The following HIBADH variants were observed in gnomAD, a reference collection of about 807,000 sequenced individuals.
The protein encoded by HIBADH is 3-hydroxyisobutyrate dehydrogenase, also known as 3-hydroxyisobutyrate dehydrogenase, mitochondrial.
In HIBADH, 25 loss-of-function variants were observed where a neutral mutation model predicts 36.1. The observed-to-expected ratio is 0.69, with a 90% CI of 0.50 to 0.97. The LOEUF is 0.97. HIBADH is among the 50% of genes least tolerant of loss of function. HIBADH has a pLI of 0.00. For synonymous variants in HIBADH, 160 were observed against 149.5 expected, an observed-to-expected ratio of 1.07 and a Z score of -0.51; for missense variants, 421 against 418.0, an observed-to-expected ratio of 1.01 and a Z score of -0.06.
rs1225371551 is a variant in HIBADH at position 27,584,221 on chromosome 7, A to G, written c.485-41121T>C. 5.9e-5 allele frequency among the ~76,000 whole-genome samples: 9 copies of G among 152,190 alleles called. No homozygotes were observed. The East Asian group carries it at 1.7e-3, about 29-fold the overall frequency. On this transcript the variant is annotated intron_variant, in intron 4 of 7. Coordinates refer to ENST00000265395, the MANE Select transcript of HIBADH (RefSeq NM_152740.4). ...GAAAGAACTTTTTATACTATGTTAC[A>G]TTAAAATCTATCCCTCTATTTTGTA...
At chr7:27,656,455 T>A (rs1786307112) in intron 1 of HIBADH, among the ~76,000 whole-genome samples, 1 of 152,062 alleles carries the variant, frequency 6.6e-6, no homozygotes, top group African/African-American at 2.4e-5. Flanking sequence ...CAATGAAATG[T>A]GCAAATGTTT....
chr7:27,632,312 T>C, intron 3 of HIBADH, 24 bp downstream of exon 3: 1 of 1,404,864 alleles, frequency 7.1e-7, no homozygotes, highest in Non-Finnish European at 1.0e-6. Flanking sequence ...AACAAGAAAA[T>C]ATCCACAGGT....
At chr7:27,622,000 AGG>A (rs1785553333) in intron 4 of HIBADH, among the ~76,000 whole-genome samples, 1 of 129,992 alleles carries the variant, frequency 7.7e-6, no homozygotes, top group African/African-American at 3.5e-5. Flanking sequence ...GCACTTTGGG[AGG>A]CCAGCACTTT....
At chr7:27,660,621 C>T (rs912425987) in intron 1 of HIBADH, among the ~76,000 whole-genome samples, 2 of 149,610 alleles carry the variant, frequency 1.3e-5, no homozygotes, top group African/African-American at 4.9e-5. Context: ...GCTGAGATTG[C>T]GCCAATGCAC....
chr7:27,658,873 G>A (rs77644583), intron 1 of HIBADH, among the ~76,000 whole-genome samples: 21,193 of 152,018 alleles, frequency 0.14, 1,741 homozygotes, highest in Middle Eastern at 0.2. Flanking sequence ...TAAGGGTGAC[G>A]ACTTTCTCTA....
chr7:27,654,885 T>A (rs1345563297), intron 1 of HIBADH, among the ~76,000 whole-genome samples: 1 of 152,008 alleles, frequency 6.6e-6, no homozygotes, highest in Non-Finnish European at 1.5e-5. Context: ...TGAGGTTTCA[T>A]CATGTTGGCC....
chr7:27,526,379 C>G lies in HIBADH; in HGVS notation c.853-7G>C. ...CTTGTGCCAATCCCAGATCCTAAAT[C>G]AAACAGGAGGAGAGAACACGCTGAG... On this transcript the variant is annotated splice_polypyrimidine_tract_variant and splice_region_variant and intron_variant, in intron 7 of 7. Coordinates refer to ENST00000265395, the MANE Select transcript of HIBADH (RefSeq NM_152740.4). 3 of 1,606,992 alleles carry G rather than the reference C, an allele frequency of 1.9e-6. No homozygotes were observed. Among genetic ancestry groups the G allele is most frequent in the Non-Finnish European group, 2.5e-6 (3 of 1,176,672 alleles).
At chr7:27,526,578 T>C (rs1459037828) in intron 7 of HIBADH, among the ~76,000 whole-genome samples, 1 of 152,240 alleles carries the variant, frequency 6.6e-6, no homozygotes, top group Non-Finnish European at 1.5e-5. Context: ...GATTTCTGAG[T>C]GTCTCTTCGA....
At chr7:27,642,212 G>A (rs888966584) in intron 2 of HIBADH, among the ~76,000 whole-genome samples, 4 of 121,304 alleles carry the variant, frequency 3.3e-5, no homozygotes, top group African/African-American at 1.4e-4. Flanking sequence ...CAGGAATCTT[G>A]GAGACCTTGT....
At chr7:27,568,985 C>G (rs1784587761) in intron 4 of HIBADH, among the ~76,000 whole-genome samples, 1 of 143,652 alleles carries the variant, frequency 7.0e-6, no homozygotes. Context: ...TTAGATATTT[C>G]TTGGTATTAT....
At chr7:27,659,922 G>C (rs1008984318) in intron 1 of HIBADH, among the ~76,000 whole-genome samples, 1 of 152,066 alleles carries the variant, frequency 6.6e-6, no homozygotes. Context: ...GCTAGGTATC[G>C]TGGTGCACCC....
intron 4 of HIBADH, among the ~76,000 whole-genome samples, chr7:27,599,727 A>G (rs1487636808): frequency 6.6e-6 from 1 of 151,634 alleles, no homozygotes; most frequent in East Asian, 1.9e-4. Flanking sequence ...TGAACAACAG[A>G]AAGTAAAATA....
chr7:27,617,447 C>T (rs191109339), intron 4 of HIBADH, among the ~76,000 whole-genome samples: 2 of 152,272 alleles, frequency 1.3e-5, no homozygotes, highest in Admixed American at 6.5e-5. Flanking sequence ...ATTAAATTTT[C>T]ACCAACTTGG....
intron 4 of HIBADH, among the ~76,000 whole-genome samples, chr7:27,561,824 T>A (rs1475076860): frequency 6.6e-6 from 1 of 152,198 alleles, no homozygotes; most frequent in East Asian, 1.9e-4. Context: ...CATATCTTTT[T>A]AAGCCTTTTA....
intron 4 of HIBADH, among the ~76,000 whole-genome samples, chr7:27,571,565 T>A (rs1014418785): frequency 6.6e-6 from 1 of 152,240 alleles, no homozygotes; most frequent in South Asian, 2.1e-4. Flanking sequence ...AGTCATTTCA[T>A]ACTCTGTTTT....
chr7:27,552,124 TTAGTTGTC>T (rs1414268862), intron 4 of HIBADH, among the ~76,000 whole-genome samples: 1 of 152,218 alleles, frequency 6.6e-6, no homozygotes, highest in Non-Finnish European at 1.5e-5. Context: ...TCATGTTCAA[TTAGTTGTC>T]CTTTCTAGAA....
At chr7:27,571,966 G>C (rs762968686) in intron 4 of HIBADH, among the ~76,000 whole-genome samples, 1 of 152,172 alleles carries the variant, frequency 6.6e-6, no homozygotes, top group African/African-American at 2.4e-5. Flanking sequence ...TTCCTAGTTA[G>C]ATTCTTTAAC....
chr7:27,537,276 T>C (rs1232433222), intron 6 of HIBADH, among the ~76,000 whole-genome samples: 1 of 152,186 alleles, frequency 6.6e-6, no homozygotes, highest in East Asian at 1.9e-4. Context: ...ATTCCTCTTT[T>C]ATCTCAATTA....
chr7:27,618,581 A>G (rs1209279175), intron 4 of HIBADH, among the ~76,000 whole-genome samples: 1 of 152,240 alleles, frequency 6.6e-6, no homozygotes, highest in African/African-American at 2.4e-5. Context: ...GGAGTAAGCC[A>G]TGTGAAAGCC....
Sources: gnomAD v4.1 joint callset for allele counts (sites outside exome capture counted in the v4.1 genomes callset) on GRCh38, gnomAD v4.1.1 for gene constraint, MANE v1.5 for transcripts, NCBI Gene and HGNC (gene_info 2026-07-23, HGNC 2026-07-21) for gene names.